The following MEGF10 variants were observed in gnomAD, a reference collection of about 807,000 sequenced individuals.
MEGF10 encodes multiple epidermal growth factor-like domains protein 10.
Under a neutral mutation model 147.5 loss-of-function variants are expected in MEGF10, and 86 were observed. The ratio of observed to expected loss-of-function variants is 0.58; its 90% CI spans 0.49 to 0.70. The LOEUF (loss-of-function observed/expected upper bound fraction) is 0.70, where lower values mean the gene tolerates loss of function less well. MEGF10 is among the 30% of genes least tolerant of loss of function. MEGF10 has a pLI of 0.00. For synonymous variants in MEGF10, 478 were observed against 525.5 expected (o/e 0.91, Z 1.24); for missense variants, 1,329 against 1,487.3 (o/e 0.89, Z 1.75).
chr5:127,312,919 A>G (rs1427260779), intron 1 of MEGF10, among the ~76,000 whole-genome samples: 1 of 152,178 alleles, frequency 6.6e-6, no homozygotes. Flanking sequence ...ATTTAATTAC[A>G]TCTGAAAAGG....
the MEGF10 span, among the ~76,000 whole-genome samples, chr5:127,274,491 T>C: frequency 6.6e-6 from 1 of 152,164 alleles, no homozygotes; most frequent in East Asian, 1.9e-4. Flanking sequence ...AAATTTACTT[T>C]AGAATGATAT....
intron 20 of MEGF10, among the ~76,000 whole-genome samples, chr5:127,446,021 G>A (rs1345534158): frequency 1.3e-5 from 2 of 152,146 alleles, no homozygotes; most frequent in Admixed American, 6.6e-5. Context: ...AAGAGAGGAT[G>A]ATAAGTTTAC....
At chr5:127,244,023 C>T in the MEGF10 span, among the ~76,000 whole-genome samples, 1 of 151,020 alleles carries the variant, frequency 6.6e-6, no homozygotes, top group South Asian at 2.1e-4. Flanking sequence ...ATGGAGAAAC[C>T]CCGTCTCTAC....
intron 4 of MEGF10, among the ~76,000 whole-genome samples, chr5:127,344,380 G>C (rs1761794164): frequency 6.6e-6 from 1 of 152,152 alleles, no homozygotes; most frequent in Non-Finnish European, 1.5e-5. Context: ...TCGTACCCAT[G>C]TTAAAGATGA....
rs777378598 is a variant in MEGF10 at position 127,455,624 on chromosome 5, A to G, written c.3232+17A>G. The stretch of plus-strand genomic sequence containing the variant: ...ATGAAGTTGGTGAGTTCCCTTAACC[A>G]TAGAAAGAACCGAGTGCTTAAGTTT... On this transcript the variant is annotated intron_variant, in intron 24 of 24. Coordinates refer to ENST00000503335, the MANE Select transcript of MEGF10 (RefSeq NM_001256545.2). 10 of 1,609,790 alleles carry G rather than the reference A, an allele frequency of 6.2e-6. No homozygotes were observed. Among genetic ancestry groups the G allele is most frequent in the Admixed American group, 3.3e-5 (2 of 59,714 alleles).
At chr5:127,297,716 A>T (rs1251952014) in intron 1 of MEGF10, among the ~76,000 whole-genome samples, 25 of 152,310 alleles carry the variant, frequency 1.6e-4, no homozygotes, top group Non-Finnish European at 1.5e-5. Flanking sequence ...CACTTACAGG[A>T]CCTGCCCATC....
chr5:127,230,414 A>T, the MEGF10 span, among the ~76,000 whole-genome samples: 1 of 152,122 alleles, frequency 6.6e-6, no homozygotes. Flanking sequence ...GTCTACATCC[A>T]AGCGGGAAGG....
intron 5 of MEGF10, among the ~76,000 whole-genome samples, chr5:127,375,893 A>T (rs1475579605): frequency 6.6e-6 from 1 of 152,264 alleles, no homozygotes; most frequent in African/African-American, 2.4e-5. Context: ...GTGAACTTTC[A>T]TTGAATGATT....
chr5:127,381,460 G>A (rs986726219), intron 5 of MEGF10, among the ~76,000 whole-genome samples: 3 of 152,128 alleles, frequency 2.0e-5, no homozygotes, highest in African/African-American at 7.2e-5. Context: ...CAATGTGTTT[G>A]CTGGCTGCCG....
At chr5:127,267,956 T>C in the MEGF10 span, among the ~76,000 whole-genome samples, 4 of 152,206 alleles carry the variant, frequency 2.6e-5, no homozygotes, top group Non-Finnish European at 2.9e-5. Flanking sequence ...TCTTGCCTTC[T>C]GCTAGCTTTT....
At position 127,419,203 on chromosome 5, in the gene MEGF10, C is replaced by T; in HGVS notation, c.1389C>T (p.Val463=). 3.1e-6 allele frequency: 5 copies of T among 1,614,102 alleles called. No homozygotes were observed. Among genetic ancestry groups the T allele is most frequent in the Non-Finnish European group, 4.2e-6 (5 of 1,180,020 alleles). Residue 463 remains valine (V), a synonymous_variant, in exon 11 of 25, where the codon GTC becomes GTT. Coordinates refer to ENST00000503335, the MANE Select transcript of MEGF10 (RefSeq NM_001256545.2). ...SSRCGCKNDA[V]CSPVDGSCTC... ...GCTGTGGCTGTAAAAATGATGCAGTCTGCTCTCCTGTGGACGGGTCTTGTA... is the reference window on the plus strand; with the variant it reads ...GCTGTGGCTGTAAAAATGATGCAGTTTGCTCTCCTGTGGACGGGTCTTGTA...
intron 1 of MEGF10, among the ~76,000 whole-genome samples, chr5:127,322,017 A>G (rs1260896627): frequency 6.6e-6 from 1 of 151,034 alleles, no homozygotes; most frequent in African/African-American, 2.4e-5. Context: ...CCCTGCTTGT[A>G]TCATCAGAGG....
In MEGF10 at chr5:127,335,138, G is replaced by A. The variant is rs577035904; in HGVS notation, c.116+3714G>A. Among the ~76,000 whole-genome samples the A allele has an allele frequency of 3.3e-5, 5 of 152,322 alleles. No homozygotes were observed. In the South Asian group the frequency reaches 1.0e-3, roughly 32 times the overall value. ...ATAAAGAGTTTTGCCTCTGAATGCT[G>A]AAAGTTGTGCAGAATTGGGATCAGT... On this transcript the variant is annotated intron_variant, in intron 2 of 24. Transcript: ENST00000503335.
intron 1 of MEGF10, among the ~76,000 whole-genome samples, chr5:127,306,574 C>T (rs961322280): frequency 6.6e-6 from 1 of 152,236 alleles, no homozygotes; most frequent in East Asian, 1.9e-4. Flanking sequence ...GGCCTCACAG[C>T]TTGGCTCCAG....
At chr5:127,373,183 C>T (rs184667220) in intron 5 of MEGF10, among the ~76,000 whole-genome samples, 7 of 152,172 alleles carry the variant, frequency 4.6e-5, no homozygotes, top group Non-Finnish European at 8.8e-5. Flanking sequence ...ACTAGAGTCT[C>T]GCTCTGTCAC....
intron 14 of MEGF10, among the ~76,000 whole-genome samples, chr5:127,433,812 G>A (rs1765468964): frequency 6.6e-6 from 1 of 152,218 alleles, no homozygotes; most frequent in African/African-American, 2.4e-5. Context: ...CTTTGGAATG[G>A]TGTTCTAGAA....
chr5:127,452,241 C>T (rs191711518), intron 22 of MEGF10, among the ~76,000 whole-genome samples: 24 of 152,336 alleles, frequency 1.6e-4, no homozygotes, highest in Admixed American at 1.6e-3. Context: ...CATGCTGGTT[C>T]TCTCTTTCAC....
At chr5:127,391,773 ACT>A (rs1273950846) in intron 5 of MEGF10, among the ~76,000 whole-genome samples, 1 of 152,072 alleles carries the variant, frequency 6.6e-6, no homozygotes, top group East Asian at 1.9e-4. Context: ...CCTTCTATTG[ACT>A]CTGCTGAAAT....
rs6892110 is a variant in MEGF10, at chr5:127,320,235, T to G, written c.-18-11056T>G. On this transcript the variant is annotated intron_variant, in intron 1 of 24. Transcript: ENST00000503335. The stretch of plus-strand genomic sequence containing the variant: ...AGTTTGATGCTGCATCAGACTAGAA[T>G]TTACCCCTGTCATTGTCTCCACCTG... 9.6e-3 allele frequency among the ~76,000 whole-genome samples: 1,462 copies of G among 152,254 alleles called. 24 individuals are homozygous for G. The highest frequency in any genetic ancestry group is 0.033 in the African/African-American group (1,364 of 41,554).
Sources: gnomAD v4.1 joint callset for allele counts (sites outside exome capture counted in the v4.1 genomes callset) on GRCh38, gnomAD v4.1.1 for gene constraint, MANE v1.5 for transcripts, NCBI Gene and HGNC (gene_info 2026-07-23, HGNC 2026-07-21) for gene names.